TCN2: variants seen among roughly 807,000 people sequenced by gnomAD.
TCN2 encodes the protein transcobalamin 2.
TCN2 carries 34 observed loss-of-function variants against 48.6 expected under a neutral mutation model. The ratio of observed to expected loss-of-function variants is 0.70; its 90% CI spans 0.53 to 0.93. The LOEUF is 0.93. Ranked by LOEUF, TCN2 falls within the 40% of genes least tolerant of loss-of-function variation. The pLI is 0.00. For missense variants in TCN2, 652 were observed against 526.1 expected (o/e 1.24, Z -2.34); for synonymous variants, 283 against 212.5 (o/e 1.33, Z -2.89).
chr22:30,614,600 C>G, intron 4 of TCN2, 99 bp downstream of exon 4: 1 of 1,524,914 alleles, frequency 6.6e-7, no homozygotes, highest in South Asian at 1.2e-5. Flanking sequence ...CTCACCTTTC[C>G]TTGGGGCTCC....
At position 30,626,902 on chromosome 22, in the gene TCN2, T is replaced by A; in HGVS notation, c.*381T>A. ...GTGGTTGGGGTCCTGCAAGAAGGCCTCCTCAGCCCGGGGGCTATGGCCCTG... is the reference window on the plus strand; with the variant it reads ...GTGGTTGGGGTCCTGCAAGAAGGCCACCTCAGCCCGGGGGCTATGGCCCTG... On this transcript the variant is annotated 3_prime_UTR_variant, in exon 9 of 9. Transcript: ENST00000215838. The A allele has an allele frequency of 2.8e-6, 1 of 353,858 alleles. No individual in the cohort carries two copies. The highest frequency in any genetic ancestry group is 2.6e-5 in the South Asian group (1 of 38,500). 21.9% of individuals were successfully genotyped at this position (353,858 alleles called of 1,614,324 possible).
At chr22:30,615,157 C>T in intron 4 of TCN2, 144 bp from the exon 5 acceptor site, 4 of 823,682 alleles carry the variant, frequency 4.9e-6, no homozygotes, top group Admixed American at 2.0e-5. Flanking sequence ...GAGTTGGTGC[C>T]CTTAGCTGAT....
Position 30,622,914 on chromosome 22 carries a change from C to A in TCN2, c.1107-54C>A. ...CTGCTGTGGGTGAGCACTGCCTCTC[C>A]CCTTAGGGACAACAGCCACCTCTTC... On this transcript the variant is annotated intron_variant, in intron 7 of 8. Transcript: ENST00000215838. 1.9e-6 allele frequency: 3 copies of A among 1,578,610 alleles called. 1 individual carries two copies. Among genetic ancestry groups the A allele is most frequent in the African/African-American group, 1.3e-5 (1 of 74,308 alleles).
intron 4 of TCN2, among the ~76,000 whole-genome samples, chr22:30,614,779 C>T (rs1211732114): frequency 6.6e-6 from 1 of 152,156 alleles, no homozygotes; most frequent in Non-Finnish European, 1.5e-5. Flanking sequence ...CATGGTGGCA[C>T]ATGCCTGTAG....
At chr22:30,621,660 T>G (rs1320749609) in intron 7 of TCN2, among the ~76,000 whole-genome samples, 1 of 152,076 alleles carries the variant, frequency 6.6e-6, no homozygotes, top group Non-Finnish European at 1.5e-5. Flanking sequence ...ATTTTTGTAT[T>G]ATTAGTAGAG....
At chr22:30,618,674 C>T (rs151097851) in intron 7 of TCN2, among the ~76,000 whole-genome samples, 2 of 151,832 alleles carry the variant, frequency 1.3e-5, no homozygotes, top group South Asian at 2.1e-4. Flanking sequence ...GGCAAGGTCT[C>T]TCTCTGTTAT....
rs776959202 is a variant in TCN2, at chr22:30,617,504, C to T, written c.1106+9C>T. Reference sequence around the variant, plus strand: ...GAGTTAGGAGGATTCACGTGAGACTCCCACCTCCCAGTCCTCACCCCACCC... The same window carrying T: ...GAGTTAGGAGGATTCACGTGAGACTTCCACCTCCCAGTCCTCACCCCACCC... On this transcript the variant is annotated intron_variant, in intron 7 of 8. Transcript: ENST00000215838. The T allele has an allele frequency of 1.9e-6, 3 of 1,613,930 alleles. No individual in the cohort carries two copies. The highest frequency in any genetic ancestry group is 2.5e-6 in the Non-Finnish European group (3 of 1,180,030).
At chr22:30,614,188 C>T (rs578191017) in intron 3 of TCN2, among the ~76,000 whole-genome samples, 161 bp from the exon 4 acceptor site, 15 of 152,294 alleles carry the variant, frequency 9.8e-5, no homozygotes, top group African/African-American at 3.1e-4. Flanking sequence ...GCCTGACACA[C>T]AGTGAGACCT....
At chr22:30,614,634 G>A (rs533182893) in intron 4 of TCN2, 133 bp downstream of exon 4, 14 of 1,320,014 alleles carry the variant, frequency 1.1e-5, no homozygotes, top group African/African-American at 8.7e-5. Context: ...CTTTAGGGAC[G>A]AATTGGCGAG....
chr22:30,622,351 A>C (rs2087711300), intron 7 of TCN2, among the ~76,000 whole-genome samples: 3 of 152,180 alleles, frequency 2.0e-5, no homozygotes, highest in Admixed American at 2.0e-4. Flanking sequence ...CAGAAACTCA[A>C]AGTTGAAGGC....
In TCN2 at chr22:30,626,652, G is replaced by A. The variant is rs1368378623; in HGVS notation, c.*131G>A. ...GTGCACTTTGAGCAATGCCCCCTGG[G>A]ATCACCCCAGCCACAAGCCCTTCGA... is the stretch of plus-strand genomic sequence containing the variant. On this transcript the variant is annotated 3_prime_UTR_variant, in exon 9 of 9. Coordinates refer to ENST00000215838, the MANE Select transcript of TCN2 (RefSeq NM_000355.4). The A allele has an allele frequency of 1.0e-6, 1 of 981,582 alleles. No individual in the cohort carries two copies. The highest frequency in any genetic ancestry group is 1.6e-5 in the African/African-American group (1 of 62,622). 60.8% of individuals were successfully genotyped at this position (981,582 alleles called of 1,614,324 possible).
At chr22:30,617,528 C>T (rs1262166966) in intron 7 of TCN2, 33 bp downstream of exon 7, 7 of 1,613,638 alleles carry the variant, frequency 4.3e-6, no homozygotes, top group Middle Eastern at 1.7e-4. Flanking sequence ...CTCACCCCAC[C>T]CAACCTCACA....
Position 30,612,955 on chromosome 22 carries a change from G to A in TCN2, c.340G>A (p.Ala114Thr), listed in dbSNP as rs1212779849. ...GGCCCTCTACCTGCTCGCTCTCAGA[G>A]CCAACTGTGAGTTTGTCAGGGGCCA... The part of the protein sequence containing the change: ...QLALYLLALR[A>T]NCEFVRGHKG... The change falls in exon 3 of 9, where the codon GCC becomes ACC. Residue 114 changes from alanine to threonine, a missense_variant. Transcript: ENST00000215838. 4 of 1,614,206 alleles carry A rather than the reference G, an allele frequency of 2.5e-6. No individual in the cohort carries two copies. The highest frequency in any genetic ancestry group is 3.3e-5 in the Admixed American group (2 of 60,022).
At chr22:30,611,085 C>CCA in intron 2 of TCN2, 22 bp downstream of exon 2, 2 of 1,613,812 alleles carry the variant, frequency 1.2e-6, no homozygotes, top group Non-Finnish European at 1.7e-6. Flanking sequence ...CTCTCTTTTT[C>CCA]CATGTCTTGC....
At chr22:30,621,934 C>T (rs2087706458) in intron 7 of TCN2, among the ~76,000 whole-genome samples, 1 of 152,232 alleles carries the variant, frequency 6.6e-6, no homozygotes, top group African/African-American at 2.4e-5. Context: ...CAGGGGAAGC[C>T]CTGATCATGC....
chr22:30,612,709 T>G (rs762754583), intron 2 of TCN2, among the ~76,000 whole-genome samples, 164 bp from the exon 3 acceptor site: 1 of 152,248 alleles, frequency 6.6e-6, no homozygotes, highest in African/African-American at 2.4e-5. Flanking sequence ...ATTTGTGGCA[T>G]ACACCTCACA....
chr22:30,610,151 C>T (rs1267784073), intron 1 of TCN2: 1 of 466,356 alleles, frequency 2.1e-6, no homozygotes, highest in Non-Finnish European at 4.4e-6. Flanking sequence ...CGAATAAATC[C>T]CACAGCAACA....
At chr22:30,619,121 G>A (rs563011610) in intron 7 of TCN2, among the ~76,000 whole-genome samples, 1 of 152,228 alleles carries the variant, frequency 6.6e-6, no homozygotes, top group African/African-American at 2.4e-5. Flanking sequence ...CTGTCACCTA[G>A]GCTAGAGTGC....
At chr22:30,621,685 T>C (rs1358975042) in intron 7 of TCN2, among the ~76,000 whole-genome samples, 1 of 152,218 alleles carries the variant, frequency 6.6e-6, no homozygotes, top group African/African-American at 2.4e-5. Context: ...GGTTTCACCA[T>C]GTTGTCCAGG....
Sources: gnomAD v4.1 joint callset for allele counts (sites outside exome capture counted in the v4.1 genomes callset) on GRCh38, gnomAD v4.1.1 for gene constraint, MANE v1.5 for transcripts, NCBI Gene and HGNC (gene_info 2026-07-23, HGNC 2026-07-21) for gene names.